Variants in PDE3A observed in about 807,000 individuals in gnomAD.
The protein encoded by PDE3A is phosphodiesterase 3A.
A neutral mutation model predicts 98.3 loss-of-function variants in PDE3A; 43 were observed. The observed-to-expected ratio is 0.44, with a 90% CI of 0.34 to 0.56. The LOEUF (loss-of-function observed/expected upper bound fraction) is 0.56. PDE3A is among the 20% of genes least tolerant of loss of function. PDE3A has a pLI of 0.01. For synonymous variants in PDE3A, 663 were observed against 567.9 expected (o/e 1.17, Z -2.38); for missense variants, 1,427 against 1,440.7 (o/e 0.99, Z 0.15).
chr12:20,662,267 G>C (rs1257432136), intron 15 of PDE3A, among the ~76,000 whole-genome samples: 3 of 152,164 alleles, frequency 2.0e-5, no homozygotes, highest in Non-Finnish European at 4.4e-5. Flanking sequence ...GAATGGCACT[G>C]ACCAAAATGC....
chr12:20,487,671 AAT>A (rs1555151815), intron 1 of PDE3A, among the ~76,000 whole-genome samples: 10 of 151,148 alleles, frequency 6.6e-5, no homozygotes, highest in African/African-American at 2.2e-4. Context: ...AAAATAAATA[AAT>A]AAAAAAAGTG....
rs1943456579 is a variant in PDE3A, at chr12:20,595,952, A to G, written c.1012-17491A>G. Among the ~76,000 whole-genome samples, 6 of 152,138 alleles carry G rather than the reference A, an allele frequency of 3.9e-5. No individual in the cohort carries two copies. In the South Asian group the frequency reaches 8.3e-4, roughly 21 times the overall value. On this transcript the variant is annotated intron_variant, in intron 2 of 15. Transcript: ENST00000359062. ...CAAATTTAATATCAATGTTTTTCCT[A>G]CATCCTCCTCCTTATTTTCAGAAAA...
At chr12:20,679,812 C>A (rs1406297945) in intron 15 of PDE3A, among the ~76,000 whole-genome samples, 2 of 150,206 alleles carry the variant, frequency 1.3e-5, no homozygotes, top group Non-Finnish European at 3.0e-5. Flanking sequence ...ATGATTATTG[C>A]CATCTTCCTC....
At chr12:20,499,126 A>T (rs1012995717) in intron 1 of PDE3A, among the ~76,000 whole-genome samples, 11 of 152,164 alleles carry the variant, frequency 7.2e-5, no homozygotes, top group Non-Finnish European at 1.6e-4. Flanking sequence ...GTGACCTTGG[A>T]CAATTTACTT....
chr12:20,607,389 A>G (rs1943735604), intron 2 of PDE3A, among the ~76,000 whole-genome samples: 1 of 150,634 alleles, frequency 6.6e-6, no homozygotes, highest in Admixed American at 6.7e-5. Flanking sequence ...GTGAGCTGAG[A>G]TCGTGCCAGT....
rs1317130284 is a variant in PDE3A at position 20,614,191 on chromosome 12, TA to T, written c.1269+492del. Among the ~76,000 whole-genome samples, 14 of 152,244 alleles carry T rather than the reference TA, an allele frequency of 9.2e-5. No homozygotes were observed. In the South Asian group the frequency reaches 2.9e-3, roughly 32 times the overall value. ...TGAACCCAGAACAGTTTTAGTCAAT[TA>T]TAGATTATTTAAAGTAAAATATATC... On this transcript the variant is annotated intron_variant, in intron 3 of 15. Coordinates refer to ENST00000359062, the MANE Select transcript of PDE3A (RefSeq NM_000921.5).
At chr12:20,654,265 G>T (rs1254250505) in intron 15 of PDE3A, 60 bp downstream of exon 15, 7 of 1,508,060 alleles carry the variant, frequency 4.6e-6, no homozygotes, top group Non-Finnish European at 6.4e-6. Context: ...TACTTTAGAT[G>T]AATTTTATGC....
intron 2 of PDE3A, among the ~76,000 whole-genome samples, chr12:20,567,307 G>T (rs966209177): frequency 6.6e-6 from 1 of 151,968 alleles, no homozygotes; most frequent in Admixed American, 6.6e-5. Context: ...AGCAGCCCTT[G>T]AGGAATTAGT....
At chr12:20,458,423 T>G (rs1945190442) in intron 1 of PDE3A, among the ~76,000 whole-genome samples, 1 of 152,026 alleles carries the variant, frequency 6.6e-6, no homozygotes, top group African/African-American at 2.4e-5. Context: ...TAGACAAATC[T>G]TTTTGTATAG....
intron 1 of PDE3A, among the ~76,000 whole-genome samples, chr12:20,404,651 A>G (rs1944196926): frequency 6.6e-6 from 1 of 152,138 alleles, no homozygotes; most frequent in Admixed American, 6.6e-5. Context: ...GCTTTATCTA[A>G]GAATATTTCT....
intron 7 of PDE3A, 51 bp from the exon 8 acceptor site, chr12:20,634,851 C>T (rs762787565): frequency 1.4e-6 from 2 of 1,412,350 alleles, no homozygotes; most frequent in South Asian, 1.2e-5. Context: ...TTAAATGAGC[C>T]CCCTTTCCCC....
chr12:20,636,126 A>G (rs1944507921), intron 8 of PDE3A, among the ~76,000 whole-genome samples: 1 of 152,178 alleles, frequency 6.6e-6, no homozygotes, highest in Non-Finnish European at 1.5e-5. Flanking sequence ...ACATGAACCA[A>G]TATTTGTTTT....
chr12:20,627,413 TCTTTTTG>T (rs910141567), intron 5 of PDE3A, among the ~76,000 whole-genome samples: 3 of 141,826 alleles, frequency 2.1e-5, no homozygotes, highest in African/African-American at 8.0e-5. Flanking sequence ...TCCCTGCCCC[TCTTTTTG>T]CTTTTTGCTA....
chr12:20,551,904 C>T, intron 1 of PDE3A: 1 of 1,613,452 alleles, frequency 6.2e-7, no homozygotes, highest in Non-Finnish European at 8.5e-7. Flanking sequence ...CGGGGATCCC[C>T]GTGGGCACCA....
intron 1 of PDE3A, among the ~76,000 whole-genome samples, chr12:20,453,849 C>G (rs1378445382): frequency 6.6e-6 from 1 of 152,166 alleles, no homozygotes; most frequent in African/African-American, 2.4e-5. Flanking sequence ...ATTTAACTAT[C>G]TACACAGTTA....
In PDE3A at chr12:20,680,274, A is replaced by G. The variant is rs745687731; in HGVS notation, c.*3A>G. On this transcript the variant is annotated 3_prime_UTR_variant, in exon 16 of 16. Transcript: ENST00000359062. The stretch of plus-strand genomic sequence containing the variant: ...CAACCCAAAAGCCAGACCAGTGACA[A>G]TGGATAGAATGGGCTGTGTTTCCAA... The G allele has an allele frequency of 5.0e-6, 8 of 1,613,472 alleles. No homozygotes were observed. Among genetic ancestry groups the G allele is most frequent in the Non-Finnish European group, 5.9e-6 (7 of 1,179,698 alleles).
intron 2 of PDE3A, among the ~76,000 whole-genome samples, chr12:20,585,897 A>T (rs772458766): frequency 6.6e-6 from 1 of 152,172 alleles, no homozygotes; most frequent in South Asian, 2.1e-4. Flanking sequence ...TGAACACTCA[A>T]TACTATGCTA....
chr12:20,402,947 T>C (rs898720707), intron 1 of PDE3A, among the ~76,000 whole-genome samples: 11 of 152,140 alleles, frequency 7.2e-5, no homozygotes, highest in Admixed American at 7.2e-4. Context: ...GTCTTGTGTA[T>C]GAATGAGAAA....
At chr12:20,622,433 C>T (rs1047032693) in intron 5 of PDE3A, among the ~76,000 whole-genome samples, 10 of 152,028 alleles carry the variant, frequency 6.6e-5, no homozygotes, top group Non-Finnish European at 1.3e-4. Context: ...TGCTTTGCCT[C>T]GATAGCTTTT....
Sources: allele counts gnomAD v4.1 joint callset (sites outside exome capture counted in the v4.1 genomes callset), GRCh38; gene constraint gnomAD v4.1.1; transcripts MANE v1.5; gene names NCBI Gene and HGNC (gene_info 2026-07-23, HGNC 2026-07-21).